Variants in DCDC1 observed in about 807,000 individuals in gnomAD.
The protein encoded by DCDC1 is doublecortin domain-containing protein 1.
Under a neutral mutation model 178.3 loss-of-function variants are expected in DCDC1, and 200 were observed. The observed-to-expected ratio is 1.12, with a 90% confidence interval of 1.00 to 1.26. The LOEUF (loss-of-function observed/expected upper bound fraction) is 1.26. Ranked by LOEUF, DCDC1 falls within the 50% of genes most tolerant of loss-of-function variation. The pLI, the probability that DCDC1 is intolerant of heterozygous loss-of-function variation, is 0.00. For synonymous variants in DCDC1, 690 were observed against 604.8 expected (o/e 1.14, Z -2.07); for missense variants, 1,983 against 1,749.2 (o/e 1.13, Z -2.38).
At chr11:31,293,565 C>T (rs1947384287) in intron 6 of DCDC1, among the ~76,000 whole-genome samples, 1 of 152,156 alleles carries the variant, frequency 6.6e-6, no homozygotes. Context: ...AGTGATACTT[C>T]ACTCACCCAA....
chr11:31,202,527 C>CACAGTGA (rs1248005788), intron 9 of DCDC1, among the ~76,000 whole-genome samples: 1 of 152,068 alleles, frequency 6.6e-6, no homozygotes, highest in African/African-American at 2.4e-5. Context: ...GCCAAGATTG[C>CACAGTGA]GCCATTACAC....
intron 32 of DCDC1, among the ~76,000 whole-genome samples, chr11:30,902,161 G>A (rs1032651992): frequency 9.9e-5 from 15 of 152,126 alleles, no homozygotes; most frequent in African/African-American, 2.9e-4. Flanking sequence ...CCAATGTAAT[G>A]ATATTATGAG....
At chr11:31,365,340 A>C (rs1169352497) in intron 1 of DCDC1, among the ~76,000 whole-genome samples, 2 of 152,140 alleles carry the variant, frequency 1.3e-5, no homozygotes, top group African/African-American at 4.8e-5. Context: ...TCAATTTTGG[A>C]ACATAACCAT....
intron 1 of DCDC1, among the ~76,000 whole-genome samples, chr11:31,339,727 C>T (rs562998322): frequency 6.6e-6 from 1 of 152,190 alleles, no homozygotes; most frequent in African/African-American, 2.4e-5. Context: ...TTGTTCACAG[C>T]AGCAACATTG....
At chr11:30,888,622 C>G (rs1445758140) in intron 36 of DCDC1, among the ~76,000 whole-genome samples, 1 of 152,136 alleles carries the variant, frequency 6.6e-6, no homozygotes, top group African/African-American at 2.4e-5. Flanking sequence ...AAGGCTGAGG[C>G]AGGAGAATCG....
intron 20 of DCDC1, among the ~76,000 whole-genome samples, chr11:31,062,162 G>T (rs905715731): frequency 2.6e-5 from 4 of 152,066 alleles, no homozygotes; most frequent in Admixed American, 2.0e-4. Flanking sequence ...GAAGTAAACT[G>T]TGCCTCTTTC....
intron 3 of DCDC1, among the ~76,000 whole-genome samples, chr11:31,309,667 G>A (rs1206491737): frequency 6.6e-6 from 1 of 151,992 alleles, no homozygotes; most frequent in Non-Finnish European, 1.5e-5. Flanking sequence ...CTACTTAAAA[G>A]TAGAATAAGG....
chr11:31,197,598 G>GT (rs555668369), intron 9 of DCDC1, among the ~76,000 whole-genome samples: 3 of 152,018 alleles, frequency 2.0e-5, no homozygotes, highest in Non-Finnish European at 4.4e-5. Flanking sequence ...TCTGATTTGA[G>GT]TATCTGTATT....
At chr11:31,235,745 T>C (rs1451092269) in intron 9 of DCDC1, among the ~76,000 whole-genome samples, 3 of 152,020 alleles carry the variant, frequency 2.0e-5, no homozygotes, top group Non-Finnish European at 4.4e-5. Context: ...AAAGTCTATC[T>C]TTCCTTTATG....
intron 21 of DCDC1, among the ~76,000 whole-genome samples, chr11:30,937,263 C>T (rs549418115): frequency 6.6e-6 from 1 of 152,116 alleles, no homozygotes; most frequent in Non-Finnish European, 1.5e-5. Context: ...AGTTCTGTAT[C>T]CCTTGGTTGG....
At chr11:31,033,686 T>G (rs1367493672) in intron 20 of DCDC1, among the ~76,000 whole-genome samples, 1 of 152,148 alleles carries the variant, frequency 6.6e-6, no homozygotes, top group Non-Finnish European at 1.5e-5. Flanking sequence ...TAACAACCAT[T>G]TTAGTTAATA....
At chr11:31,191,668 C>G (rs943058035) in intron 9 of DCDC1, among the ~76,000 whole-genome samples, 1 of 151,842 alleles carries the variant, frequency 6.6e-6, no homozygotes, top group Non-Finnish European at 1.5e-5. Context: ...AAATAAAGGT[C>G]ATGAGAAAGA....
intron 3 of DCDC1, chr11:31,312,674 G>C (rs1948840399): frequency 6.6e-6 from 1 of 152,154 alleles, no homozygotes; most frequent in South Asian, 2.1e-4. Flanking sequence ...GGTCACTCTT[G>C]TTTCTCAGGC....
intron 30 of DCDC1, among the ~76,000 whole-genome samples, chr11:30,905,469 C>A (rs965182610): frequency 2.0e-5 from 3 of 152,016 alleles, no homozygotes; most frequent in African/African-American, 7.3e-5. Context: ...CCAGAGAGAG[C>A]CTGGATTAAA....
chr11:30,865,394 A>G (rs1481122981), intron 38 of DCDC1, 62 bp from the exon 39 acceptor site: 2 of 123,612 alleles, frequency 1.6e-5, no homozygotes, highest in Non-Finnish European at 3.6e-5. Context: ...ACGCACACAC[A>G]TACACACATT....
intron 9 of DCDC1, among the ~76,000 whole-genome samples, chr11:31,213,660 C>A (rs1452524881): frequency 6.6e-6 from 1 of 150,766 alleles, no homozygotes; most frequent in Non-Finnish European, 1.5e-5. Context: ...ATGGAGGTTG[C>A]AGTTAGCCGA....
intron 7 of DCDC1, among the ~76,000 whole-genome samples, chr11:31,276,751 G>T (rs1946024527): frequency 6.6e-6 from 1 of 152,084 alleles, no homozygotes; most frequent in Admixed American, 6.6e-5. Context: ...AAAGGTAAGT[G>T]AAAGAATGTA....
At chr11:30,869,816 G>A (rs914060456) in intron 38 of DCDC1, among the ~76,000 whole-genome samples, 1 of 152,162 alleles carries the variant, frequency 6.6e-6, no homozygotes, top group South Asian at 2.1e-4. Flanking sequence ...GATTCCAAAG[G>A]CCTTTGGGCA....
At chr11:31,072,997 A>G (rs570074557) in intron 18 of DCDC1, among the ~76,000 whole-genome samples, 1 of 152,276 alleles carries the variant, frequency 6.6e-6, no homozygotes, top group Admixed American at 6.5e-5. Flanking sequence ...AAAAATAAAT[A>G]ACATGAGCTC....
Sources: gnomAD v4.1 joint callset for allele counts (sites outside exome capture counted in the v4.1 genomes callset) on GRCh38, gnomAD v4.1.1 for gene constraint, MANE v1.5 for transcripts, NCBI Gene and HGNC (gene_info 2026-07-23, HGNC 2026-07-21) for gene names.